The following URB1 variants were observed in gnomAD, a reference collection of about 807,000 sequenced individuals.
The protein encoded by URB1 is URB1 ribosome biogenesis factor, also known as nucleolar pre-ribosomal-associated protein 1.
A neutral mutation model predicts 242.3 loss-of-function variants in URB1; 197 were observed. That is an observed-to-expected ratio of 0.81 (90% CI 0.72 to 0.91). The LOEUF (loss-of-function observed/expected upper bound fraction) is 0.91, where lower values mean the gene tolerates loss of function less well. Ranked by LOEUF, URB1 falls within the 40% of genes least tolerant of loss-of-function variation. The pLI, the probability that URB1 is intolerant of heterozygous loss-of-function variation, is 0.00. For missense variants in URB1, 2,721 were observed against 2,860.5 expected (o/e 0.95, Z 1.11); for synonymous variants, 1,153 against 1,201.8 (o/e 0.96, Z 0.84).
chr21:32,369,206 C>T (rs1042361170), intron 8 of URB1, among the ~76,000 whole-genome samples: 9 of 151,946 alleles, frequency 5.9e-5, no homozygotes, highest in Non-Finnish European at 1.0e-4. Context: ...ATTAAAAACA[C>T]AAAAAAATTA....
In URB1 at chr21:32,311,941, G is replaced by A. The variant is rs1440204983; in HGVS notation, c.*2977C>T. 1.2e-6 allele frequency: 2 copies of A among 1,613,666 alleles called. No homozygotes were observed. Among genetic ancestry groups the A allele is most frequent in the Admixed American group, 3.3e-5 (2 of 60,032 alleles). On this transcript the variant is annotated 3_prime_UTR_variant, in exon 39 of 39. Transcript: ENST00000382751. The stretch of plus-strand genomic sequence containing the variant: ...ACCCTCAATGGGGGTCCCCTCGTCA[G>A]GAGCAAGCCCAGCGAGCCTCCCCCT...
intron 9 of URB1, 58 bp from the exon 10 acceptor site, chr21:32,366,813 C>A: frequency 1.3e-6 from 2 of 1,530,700 alleles, no homozygotes; most frequent in Non-Finnish European, 1.8e-6. Flanking sequence ...AAACCTGAGA[C>A]TAGCTGTAGG....
At chr21:32,374,408 C>T (rs990687368) in intron 6 of URB1, among the ~76,000 whole-genome samples, 9 of 152,228 alleles carry the variant, frequency 5.9e-5, no homozygotes, top group East Asian at 1.9e-4. Flanking sequence ...GGTTCTGATG[C>T]AACTCCCCCA....
intron 22 of URB1, among the ~76,000 whole-genome samples, chr21:32,345,788 C>A (rs1057251579): frequency 3.3e-5 from 5 of 152,130 alleles, no homozygotes; most frequent in African/African-American, 9.7e-5. Flanking sequence ...TCTCATCAGT[C>A]AACACTCTTG....
intron 32 of URB1, among the ~76,000 whole-genome samples, chr21:32,323,947 T>G (rs2032796997): frequency 6.6e-6 from 1 of 152,004 alleles, no homozygotes; most frequent in African/African-American, 2.4e-5. Context: ...TGGGTGACAG[T>G]GCCAGACCGT....
chr21:32,346,743 G>A (rs1452038992), intron 22 of URB1, among the ~76,000 whole-genome samples: 1 of 152,172 alleles, frequency 6.6e-6, no homozygotes, highest in Non-Finnish European at 1.5e-5. Flanking sequence ...ACAATGGGCT[G>A]TGCCTCAAGC....
Position 32,384,436 on chromosome 21 carries a change from G to A in URB1, c.311C>T (p.Ala104Val). 2 of 1,551,572 alleles carry A rather than the reference G, an allele frequency of 1.3e-6. No individual in the cohort carries two copies. Among genetic ancestry groups the A allele is most frequent in the Non-Finnish European group, 1.7e-6 (2 of 1,146,748 alleles). ...ATCACTTGCTGTCCGCAATAATATG[G>A]CCTCGAAAACTTGAAATATTAACAT... ...ETMLIFQVFE[A>V]ILLRTASDLS... The change falls in exon 3 of 39, where the codon GCC (alanine) becomes GTC (valine). Residue 104 changes from alanine to valine, a missense_variant. Ala to Val is a moderately conservative substitution (Grantham distance 64). Coordinates refer to ENST00000382751, the MANE Select transcript of URB1 (RefSeq NM_014825.3).
At position 32,314,919 on chromosome 21, in the gene URB1, CA is replaced by C; in HGVS notation, c.6814del (p.Ter2272AspfsTer51). On this transcript the variant is annotated frameshift_variant and stop_lost, in exon 39 of 39. Transcript: ENST00000382751. LOFTEE classifies it high-confidence loss of function. ...GTGCAAGGTGCTGGCCGGCAGGAGTCAAGCATCTGAGGCTGCGCTGGCGGCG... is the reference window on the plus strand; with the variant it reads ...GTGCAAGGTGCTGGCCGGCAGGAGTCAGCATCTGAGGCTGCGCTGGCGGCG... ...KDAASAASDA* is the reference protein window; with the variant it reads ...KDAASAASDAX The C allele has an allele frequency of 6.5e-7, 1 of 1,549,536 alleles. No individual in the cohort carries two copies. Among genetic ancestry groups the C allele is most frequent in the South Asian group, 1.2e-5 (1 of 83,788 alleles).
chr21:32,351,049 C>G lies in URB1; in HGVS notation c.2614-127G>C. 5 of 971,390 alleles carry G rather than the reference C, an allele frequency of 5.1e-6. No individual in the cohort carries two copies. The South Asian group carries it at 6.4e-5, about 12-fold the overall frequency. 60.2% of individuals were successfully genotyped at this position (971,390 alleles called of 1,614,324 possible). ...GAAGCACATGCTGAGATAAGACTAA[C>G]GAATACGGGACCGTGTGGCATTTTA... On this transcript the variant is annotated intron_variant, in intron 19 of 38. Transcript: ENST00000382751.
chr21:32,367,827 C>T (rs571540165), intron 9 of URB1, among the ~76,000 whole-genome samples: 1 of 152,302 alleles, frequency 6.6e-6, no homozygotes, highest in African/African-American at 2.4e-5. Flanking sequence ...TCTAACTGTG[C>T]TGAGACTCAA....
At chr21:32,377,412 A>G in intron 5 of URB1, 1 of 453,976 alleles carries the variant, frequency 2.2e-6, no homozygotes, top group Non-Finnish European at 4.2e-6. Context: ...TCAACAGTGT[A>G]AATGGTACCA....
At chr21:32,321,235 T>C (rs2032761519) in intron 34 of URB1, among the ~76,000 whole-genome samples, 1 of 152,254 alleles carries the variant, frequency 6.6e-6, no homozygotes, top group Non-Finnish European at 1.5e-5. Context: ...TTAATCAAAA[T>C]ACTAAAAGCT....
At chr21:32,390,071 A>G (rs959413448) in intron 1 of URB1, among the ~76,000 whole-genome samples, 2 of 152,224 alleles carry the variant, frequency 1.3e-5, no homozygotes, top group African/African-American at 4.8e-5. Flanking sequence ...TCCAAGATAC[A>G]GACCAGATTC....
chr21:32,354,752 T>G, intron 17 of URB1, 107 bp downstream of exon 17: 1 of 1,396,866 alleles, frequency 7.2e-7, no homozygotes, highest in Non-Finnish European at 9.5e-7. Flanking sequence ...AGGGACTGTG[T>G]GCACTTGGCC....
chr21:32,344,492 A>G (rs890024005), intron 24 of URB1, 78 bp downstream of exon 24: 2 of 1,477,846 alleles, frequency 1.4e-6, no homozygotes, highest in African/African-American at 2.8e-5. Flanking sequence ...CTGGCTTGAA[A>G]TGCATCTATA....
At chr21:32,388,038 A>G (rs969923129) in intron 1 of URB1, among the ~76,000 whole-genome samples, 1 of 152,258 alleles carries the variant, frequency 6.6e-6, no homozygotes, top group Non-Finnish European at 1.5e-5. Context: ...CCTCTTGGAC[A>G]GCAATTCTGC....
At position 32,327,938 on chromosome 21, in the gene URB1, C is replaced by T. The variant is rs545269096; in HGVS notation, c.4961-2549G>A. ...GATAAAATAGAGTCAGATCAATAATCACATTAAATATAAATGATGTATGCA... is the reference window on the plus strand; with the variant it reads ...GATAAAATAGAGTCAGATCAATAATTACATTAAATATAAATGATGTATGCA... On this transcript the variant is annotated intron_variant, in intron 30 of 38. Coordinates refer to ENST00000382751, the MANE Select transcript of URB1 (RefSeq NM_014825.3). 3.9e-5 allele frequency among the ~76,000 whole-genome samples: 6 copies of T among 152,266 alleles called. No homozygotes were observed. The South Asian group carries it at 1.0e-3, about 26-fold the overall frequency.
intron 32 of URB1, among the ~76,000 whole-genome samples, chr21:32,323,458 C>T (rs571047682): frequency 1.6e-3 from 242 of 152,296 alleles, no homozygotes; most frequent in African/African-American, 5.7e-3. Context: ...GAGCTAACTT[C>T]TAGTCACACT....
chr21:32,361,958 G>T lies in URB1; in HGVS notation c.1573C>A (p.Gln525Lys). Residue 525 changes from glutamine (Q) to lysine (K), a missense_variant, in exon 12 of 39, where the codon CAG becomes AAG. Physicochemically the swap from Gln to Lys is moderately conservative, Grantham distance 53. Coordinates refer to ENST00000382751, the MANE Select transcript of URB1 (RefSeq NM_014825.3). ...WQSLKKQETK[Q>K]DDKKGQKRSD... The stretch of plus-strand genomic sequence containing the variant: ...CTTTTCTGCCCTTTCTTGTCATCCT[G>T]TTTGGTCTCTTGCTTTTTAAGTGAC... 6.4e-7 allele frequency: 1 copy of T among 1,551,560 alleles called. No homozygotes were observed. Among genetic ancestry groups the T allele is most frequent in the Non-Finnish European group, 8.7e-7 (1 of 1,146,888 alleles).
Sources: gnomAD v4.1 joint callset for allele counts (sites outside exome capture counted in the v4.1 genomes callset) on GRCh38, gnomAD v4.1.1 for gene constraint, MANE v1.5 for transcripts, NCBI Gene and HGNC (gene_info 2026-07-23, HGNC 2026-07-21) for gene names.